The following GUCY1A2 variants were observed in gnomAD, a reference collection of about 807,000 sequenced individuals.
GUCY1A2 encodes the protein guanylate cyclase 1 soluble subunit alpha 2, also known as guanylate cyclase soluble subunit alpha-2.
GUCY1A2 carries 27 observed loss-of-function variants against 63.5 expected under a neutral mutation model. That is an observed-to-expected ratio of 0.43 (90% CI 0.31 to 0.59). GUCY1A2 has a LOEUF of 0.59. Among genes scored for constraint, GUCY1A2 ranks in the 20% least tolerant of loss-of-function variants. The pLI, the probability that GUCY1A2 is intolerant of heterozygous loss-of-function variation, is 0.11. For missense variants in GUCY1A2, 768 were observed against 913.3 expected (o/e 0.84, Z 2.05); for synonymous variants, 364 against 343.5 (o/e 1.06, Z -0.66).
chr11:106,730,709 C>T (rs1863488207), intron 6 of GUCY1A2, among the ~76,000 whole-genome samples: 1 of 152,178 alleles, frequency 6.6e-6, no homozygotes, highest in Non-Finnish European at 1.5e-5. Context: ...TCCATAATGG[C>T]TGAACTAATT....
chr11:106,843,775 A>G (rs1859232999), intron 4 of GUCY1A2, among the ~76,000 whole-genome samples: 1 of 151,880 alleles, frequency 6.6e-6, no homozygotes, highest in Admixed American at 6.6e-5. Flanking sequence ...CTGACACAAT[A>G]CTAATTATTC....
At chr11:106,761,978 A>G (rs185066799) in intron 6 of GUCY1A2, among the ~76,000 whole-genome samples, 2 of 152,252 alleles carry the variant, frequency 1.3e-5, no homozygotes, top group Admixed American at 1.3e-4. Flanking sequence ...GTGATCACTA[A>G]TCATAACCTC....
chr11:106,928,158 A>G (rs1407298630), intron 4 of GUCY1A2, among the ~76,000 whole-genome samples: 1 of 152,182 alleles, frequency 6.6e-6, no homozygotes, highest in Non-Finnish European at 1.5e-5. Context: ...AGTTCTCCAT[A>G]TATGTTCACA....
intron 4 of GUCY1A2, among the ~76,000 whole-genome samples, chr11:106,865,551 C>G (rs901977749): frequency 2.0e-5 from 3 of 151,950 alleles, no homozygotes; most frequent in African/African-American, 7.3e-5. Context: ...AACACAGGAA[C>G]AGAAAACCAA....
At chr11:106,835,428 A>G (rs191517619) in intron 4 of GUCY1A2, among the ~76,000 whole-genome samples, 38 of 152,052 alleles carry the variant, frequency 2.5e-4, no homozygotes, top group African/African-American at 7.9e-4. Context: ...AATATATGAT[A>G]TAGAATGTGA....
chr11:106,690,317 G>A (rs1339775451), intron 7 of GUCY1A2, among the ~76,000 whole-genome samples: 9 of 151,026 alleles, frequency 6.0e-5, no homozygotes, highest in East Asian at 3.9e-4. Context: ...TGGTAAATAC[G>A]GACTATGGAA....
At chr11:106,803,255 T>A (rs1858635506) in intron 5 of GUCY1A2, among the ~76,000 whole-genome samples, 1 of 152,166 alleles carries the variant, frequency 6.6e-6, no homozygotes, top group Non-Finnish European at 1.5e-5. Flanking sequence ...AATATTGTCA[T>A]CTTTATAAAT....
chr11:106,735,320 C>T (rs1190549264), intron 6 of GUCY1A2, among the ~76,000 whole-genome samples: 2 of 152,018 alleles, frequency 1.3e-5, no homozygotes. Flanking sequence ...CTCTGGTAAC[C>T]ATCATTCTAC....
intron 4 of GUCY1A2, among the ~76,000 whole-genome samples, chr11:106,931,946 A>G (rs1465151658): frequency 1.3e-5 from 2 of 152,166 alleles, no homozygotes; most frequent in Non-Finnish European, 2.9e-5. Context: ...TGCACTGTAT[A>G]CTTACCAAAA....
In GUCY1A2 at chr11:106,977,719, C is replaced by T. The variant is rs575742851; in HGVS notation, c.487+900G>A. 2.6e-5 allele frequency among the ~76,000 whole-genome samples: 4 copies of T among 152,254 alleles called. No individual in the cohort carries two copies. The South Asian group carries it at 8.3e-4, about 32-fold the overall frequency. On this transcript the variant is annotated intron_variant, in intron 3 of 7. Coordinates refer to ENST00000526355, the MANE Select transcript of GUCY1A2 (RefSeq NM_000855.3). ...ACTATAAAGGAAAAGAAAGAACATG[C>T]AAACTGGTTTGCCCTATTGTCCATC...
intron 5 of GUCY1A2, among the ~76,000 whole-genome samples, chr11:106,806,280 A>G (rs1487395705): frequency 6.6e-6 from 1 of 152,186 alleles, no homozygotes; most frequent in Non-Finnish European, 1.5e-5. Flanking sequence ...TGCACTGAAT[A>G]TCTTTATTTT....
chr11:107,015,618 A>G (rs1294170709), intron 1 of GUCY1A2, among the ~76,000 whole-genome samples: 2 of 141,532 alleles, frequency 1.4e-5, no homozygotes, highest in Admixed American at 7.6e-5. Context: ...TTATATCAAC[A>G]ATTCTCCCCA....
intron 3 of GUCY1A2, among the ~76,000 whole-genome samples, chr11:106,970,666 C>T (rs2120094162): frequency 6.6e-6 from 1 of 152,258 alleles, no homozygotes; most frequent in South Asian, 2.1e-4. Flanking sequence ...CTTTGTAAGA[C>T]ACTTTGACAG....
Position 106,822,245 on chromosome 11 carries a change from T to A in GUCY1A2, c.1207-11767A>T, listed in dbSNP as rs545634114. Among the ~76,000 whole-genome samples the A allele has an allele frequency of 3.9e-5, 6 of 152,356 alleles. No homozygotes were observed. The South Asian group carries it at 1.2e-3, about 32-fold the overall frequency. ...TGTAGAAATTCAAGACTTATCTTTT[T>A]ACATTACCATACGAACAATTTTTTT... On this transcript the variant is annotated intron_variant, in intron 4 of 7. Coordinates refer to ENST00000526355, the MANE Select transcript of GUCY1A2 (RefSeq NM_000855.3).
At chr11:106,818,569 T>C (rs559714036) in intron 4 of GUCY1A2, among the ~76,000 whole-genome samples, 1 of 152,104 alleles carries the variant, frequency 6.6e-6, no homozygotes, top group Non-Finnish European at 1.5e-5. Context: ...GACCTCTAAG[T>C]GTTCAAGTGA....
intron 7 of GUCY1A2, among the ~76,000 whole-genome samples, chr11:106,701,530 G>A (rs187751087): frequency 3.1e-4 from 47 of 152,088 alleles, no homozygotes; most frequent in African/African-American, 1.1e-3. Flanking sequence ...TCCTCTCATC[G>A]AGGCTAGTAA....
At chr11:106,758,933 G>A (rs1012108315) in intron 6 of GUCY1A2, among the ~76,000 whole-genome samples, 1 of 152,032 alleles carries the variant, frequency 6.6e-6, no homozygotes, top group African/African-American at 2.4e-5. Context: ...GGAGGGGTGT[G>A]GAAAGAATGT....
intron 4 of GUCY1A2, among the ~76,000 whole-genome samples, chr11:106,926,432 T>G (rs1860522461): frequency 6.8e-6 from 1 of 146,450 alleles, no homozygotes; most frequent in South Asian, 2.2e-4. Flanking sequence ...AGTGAGACTC[T>G]ATCTCTGTCT....
chr11:106,746,078 C>T (rs973845953), intron 6 of GUCY1A2, among the ~76,000 whole-genome samples: 10 of 152,086 alleles, frequency 6.6e-5, no homozygotes, highest in Non-Finnish European at 1.5e-5. Context: ...AAAGGACAGG[C>T]ACTTCCTGGT....
Sources: gnomAD v4.1 joint callset for allele counts (sites outside exome capture counted in the v4.1 genomes callset) on GRCh38, gnomAD v4.1.1 for gene constraint, MANE v1.5 for transcripts, NCBI Gene and HGNC (gene_info 2026-07-23, HGNC 2026-07-21) for gene names.